The following GRM3 variants were observed in gnomAD, a reference collection of about 807,000 sequenced individuals.
The protein encoded by GRM3 is glutamate metabotropic receptor 3.
GRM3 carries 26 observed loss-of-function variants against 70.5 expected under a neutral mutation model. The ratio of observed to expected loss-of-function variants is 0.37; its 90% CI spans 0.27 to 0.51. The LOEUF (loss-of-function observed/expected upper bound fraction) is 0.51. Ranked by LOEUF, GRM3 falls within the 20% of genes least tolerant of loss-of-function variation. The probability of loss-of-function intolerance (pLI) is 0.93; values close to 1 mark genes in which losing one functional copy is unlikely to be tolerated. For missense variants in GRM3, 859 were observed against 1,123.8 expected (o/e 0.76, Z 3.37); for synonymous variants, 443 against 434.9 (o/e 1.02, Z -0.23).
In GRM3 at chr7:86,755,252, G is replaced by T. The variant is rs188044151; in HGVS notation, c.-140-9754G>T. Among the ~76,000 whole-genome samples the T allele has an allele frequency of 3.1e-3, 474 of 152,092 alleles. 4 individuals are homozygous for T. Among genetic ancestry groups the T allele is most frequent in the African/African-American group, 0.011 (438 of 41,504 alleles). ...TGTCAGACCAAAATGGAAAAATTCA[G>T]CTCTGTTTTAGCTGATTGGGATTTT... On this transcript the variant is annotated intron_variant, in intron 1 of 5. Coordinates refer to ENST00000361669, the MANE Select transcript of GRM3 (RefSeq NM_000840.3).
chr7:86,732,854 G>A (rs138498348), intron 1 of GRM3, among the ~76,000 whole-genome samples: 26 of 152,228 alleles, frequency 1.7e-4, no homozygotes, highest in African/African-American at 6.0e-4. Flanking sequence ...CACCTCACAC[G>A]GCAAGACCAA....
At position 86,864,508 on chromosome 7, in the gene GRM3, A is replaced by G. The variant is rs745933186; in HGVS notation, c.*153A>G. ...TTATTTTTGAGGACTGTATATAGTG[A>G]TGTGCTAGAACTTTCTAGGCTGAGT... On this transcript the variant is annotated 3_prime_UTR_variant, in exon 6 of 6. Coordinates refer to ENST00000361669, the MANE Select transcript of GRM3 (RefSeq NM_000840.3). 7.0e-5 allele frequency: 44 copies of G among 626,114 alleles called. No homozygotes were observed. Among genetic ancestry groups the G allele is most frequent in the Non-Finnish European group, 1.2e-4 (42 of 339,252 alleles). 38.8% of individuals were successfully genotyped at this position (626,114 alleles called of 1,614,324 possible).
At chr7:86,800,967 T>G (rs114731368) in intron 3 of GRM3, among the ~76,000 whole-genome samples, 1 of 152,252 alleles carries the variant, frequency 6.6e-6, no homozygotes, top group African/African-American at 2.4e-5. Flanking sequence ...GTTATTTAAA[T>G]TGCACTTTGA....
At chr7:86,649,679 A>G (rs1175990171) in intron 1 of GRM3, among the ~76,000 whole-genome samples, 1 of 152,176 alleles carries the variant, frequency 6.6e-6, no homozygotes, top group Non-Finnish European at 1.5e-5. Context: ...TGCTAGATAC[A>G]TAGTTTGAAA....
chr7:86,730,866 C>T (rs182628903), intron 1 of GRM3, among the ~76,000 whole-genome samples: 15 of 152,286 alleles, frequency 9.8e-5, no homozygotes, highest in African/African-American at 2.6e-4. Flanking sequence ...TTTCTCTGCC[C>T]TCATTTTCAC....
chr7:86,847,633 T>C (rs1798679757), intron 4 of GRM3, among the ~76,000 whole-genome samples: 1 of 152,050 alleles, frequency 6.6e-6, no homozygotes, highest in African/African-American at 2.4e-5. Context: ...GTAGAATAGA[T>C]AACTAAGACA....
intron 1 of GRM3, among the ~76,000 whole-genome samples, chr7:86,749,254 G>A (rs1264670020): frequency 2.0e-5 from 3 of 152,012 alleles, no homozygotes; most frequent in Admixed American, 6.6e-5. Context: ...TCCTTTGGGT[G>A]ACATCTTGTG....
chr7:86,689,810 CTT>C, intron 1 of GRM3, among the ~76,000 whole-genome samples: 2 of 152,218 alleles, frequency 1.3e-5, no homozygotes, highest in African/African-American at 4.8e-5. Flanking sequence ...ACTTATTTAA[CTT>C]TCTCTAAGAA....
chr7:86,841,517 T>C (rs1489999849), intron 4 of GRM3, among the ~76,000 whole-genome samples: 1 of 152,260 alleles, frequency 6.6e-6, no homozygotes, highest in Middle Eastern at 3.4e-3. Context: ...TCTTTATATA[T>C]ACATCTAGTC....
chr7:86,751,179 T>G (rs1223275909), intron 1 of GRM3, among the ~76,000 whole-genome samples: 1 of 152,048 alleles, frequency 6.6e-6, no homozygotes, highest in African/African-American at 2.4e-5. Context: ...AATCCGAAGC[T>G]CTTAAGCTCT....
chr7:86,790,688 G>T lies in GRM3; in HGVS notation c.1324+3572G>T, dbSNP rs142648436. ...TCTCCTTCTTTCTCACTTCACTCCAGCCACCCTTGTTTCCAACATTAGGGC... is the reference window on the plus strand; with the variant it reads ...TCTCCTTCTTTCTCACTTCACTCCATCCACCCTTGTTTCCAACATTAGGGC... On this transcript the variant is annotated intron_variant, in intron 3 of 5. Coordinates refer to ENST00000361669, the MANE Select transcript of GRM3 (RefSeq NM_000840.3). Among the ~76,000 whole-genome samples, 4 of 152,112 alleles carry T rather than the reference G, an allele frequency of 2.6e-5. No homozygotes were observed. In the East Asian group the frequency reaches 7.7e-4, roughly 29 times the overall value.
At chr7:86,653,782 T>C (rs541688492) in intron 1 of GRM3, among the ~76,000 whole-genome samples, 3 of 152,126 alleles carry the variant, frequency 2.0e-5, no homozygotes, top group Admixed American at 1.3e-4. Flanking sequence ...TTTAATATTT[T>C]ATCCTATATT....
chr7:86,852,326 T>C (rs796151967), intron 5 of GRM3, among the ~76,000 whole-genome samples: 6 of 152,318 alleles, frequency 3.9e-5, no homozygotes, highest in African/African-American at 1.4e-4. Context: ...CAAAATTGCG[T>C]ATATCCAGAC....
rs772767907 is a variant in GRM3, at chr7:86,734,410, A to C, written c.-140-30596A>C. 4.6e-5 allele frequency among the ~76,000 whole-genome samples: 7 copies of C among 152,158 alleles called. No homozygotes were observed. In the East Asian group the frequency reaches 1.3e-3, roughly 29 times the overall value. The stretch of plus-strand genomic sequence containing the variant: ...TACTTATTAGCAATTCTGCCATTTG[A>C]AACTATAGGTTAAAATGAAATTTGG... On this transcript the variant is annotated intron_variant, in intron 1 of 5. Coordinates refer to ENST00000361669, the MANE Select transcript of GRM3 (RefSeq NM_000840.3).
At chr7:86,724,905 T>A (rs1296127098) in intron 1 of GRM3, among the ~76,000 whole-genome samples, 1 of 152,138 alleles carries the variant, frequency 6.6e-6, no homozygotes, top group Non-Finnish European at 1.5e-5. Flanking sequence ...GTTTGTGTGG[T>A]GGAGTTTAAT....
intron 1 of GRM3, among the ~76,000 whole-genome samples, chr7:86,755,078 G>T (rs975519950): frequency 3.3e-5 from 5 of 152,002 alleles, no homozygotes; most frequent in African/African-American, 1.2e-4. Context: ...AGTAGCCAGG[G>T]ACATTTGACT....
chr7:86,762,159 G>T (rs753525463), intron 1 of GRM3, among the ~76,000 whole-genome samples: 1 of 152,058 alleles, frequency 6.6e-6, no homozygotes. Context: ...GGAATTGCAC[G>T]TAAAGATCAA....
intron 1 of GRM3, among the ~76,000 whole-genome samples, chr7:86,762,458 A>C (rs376490990): frequency 3.9e-5 from 6 of 152,240 alleles, no homozygotes; most frequent in Non-Finnish European, 7.4e-5. Context: ...GGCACTGCTA[A>C]TATGAAAAGG....
chr7:86,843,925 G>T (rs1471485674), intron 4 of GRM3, among the ~76,000 whole-genome samples: 1 of 152,152 alleles, frequency 6.6e-6, no homozygotes, highest in Non-Finnish European at 1.5e-5. Context: ...ATCACCTGGG[G>T]ATCTTGTTGA....
Sources: allele counts gnomAD v4.1 joint callset (sites outside exome capture counted in the v4.1 genomes callset), GRCh38; gene constraint gnomAD v4.1.1; transcripts MANE v1.5; gene names NCBI Gene and HGNC (gene_info 2026-07-23, HGNC 2026-07-21).